The following PPP3CA variants were observed in gnomAD, a reference collection of about 807,000 sequenced individuals.
The protein encoded by PPP3CA is protein phosphatase 3 catalytic subunit alpha.
A neutral mutation model predicts 66.5 loss-of-function variants in PPP3CA; 14 were observed. The ratio of observed to expected loss-of-function variants is 0.21; its 90% CI spans 0.14 to 0.33. The LOEUF (loss-of-function observed/expected upper bound fraction) is 0.33. Ranked by LOEUF, PPP3CA falls within the 10% of genes least tolerant of loss-of-function variation. The pLI is 1.00. For missense variants in PPP3CA, 317 were observed against 639.5 expected, an observed-to-expected ratio of 0.50 and a Z score of 5.44; for synonymous variants, 232 against 226.2, an observed-to-expected ratio of 1.03 and a Z score of -0.23.
intron 9 of PPP3CA, among the ~76,000 whole-genome samples, chr4:101,061,419 A>AT (rs1200799008): frequency 1.3e-5 from 2 of 152,118 alleles, no homozygotes; most frequent in Non-Finnish European, 2.9e-5. Context: ...GACAAATCAA[A>AT]TATGTGGATG....
rs924556483 is a variant in PPP3CA, at chr4:101,187,063, G to A, written c.259+8853C>T. Among the ~76,000 whole-genome samples, 3 of 152,126 alleles carry A rather than the reference G, an allele frequency of 2.0e-5. No individual in the cohort carries two copies. In the East Asian group the frequency reaches 5.8e-4, roughly 29 times the overall value. ...AAAGAGGTGAATATCCTGCTGAGTG[G>A]TACAAAGGTAGAAAGTGGCAGACAC... On this transcript the variant is annotated intron_variant, in intron 2 of 13. Transcript: ENST00000394854.
intron 8 of PPP3CA, among the ~76,000 whole-genome samples, chr4:101,072,935 CAAAA>C (rs71596318): frequency 1.7e-5 from 1 of 59,242 alleles, no homozygotes; most frequent in Non-Finnish European, 3.8e-5. Flanking sequence ...GACTCCTTCT[CAAAA>C]AAAAAAAAAA....
At chr4:101,223,983 G>A (rs1725704858) in intron 1 of PPP3CA, among the ~76,000 whole-genome samples, 1 of 151,284 alleles carries the variant, frequency 6.6e-6, no homozygotes, top group East Asian at 1.9e-4. Context: ...AAAATTAAAG[G>A]GAAAACAAAA....
At chr4:101,204,635 CAAAAAAAAAA>C (rs55925064) in intron 1 of PPP3CA, among the ~76,000 whole-genome samples, 13 of 107,808 alleles carry the variant, frequency 1.2e-4, no homozygotes, top group Non-Finnish European at 1.2e-4. Flanking sequence ...GACTCCATCT[CAAAAAAAAAA>C]AAAAAAAAAA....
intron 11 of PPP3CA, 21 bp downstream of exon 11, chr4:101,040,461 A>G (rs562372062): frequency 6.5e-7 from 1 of 1,540,826 alleles, no homozygotes; most frequent in South Asian, 1.2e-5. Flanking sequence ...TGAAACAAAA[A>G]CAGAGTACGA....
In PPP3CA at chr4:101,042,173, C is replaced by CTTTTTT. The variant is rs558866853; in HGVS notation, c.1157-1613_1157-1608dup. Among the ~76,000 whole-genome samples, 7 of 91,162 alleles carry CTTTTTT rather than the reference C, an allele frequency of 7.7e-5. 2 individuals carry two copies. The highest frequency in any genetic ancestry group is 9.1e-5 in the Non-Finnish European group (4 of 43,732). 59.8% of individuals were successfully genotyped at this position (91,162 alleles called of 152,430 possible). On this transcript the variant is annotated intron_variant, in intron 10 of 13. Transcript: ENST00000394854. ...GAAATGGCTAGAAAAAAGGTCTTTG[C>CTTTTTT]TTTTTTTTTTTTTTTTTTTTGCCCT...
intron 1 of PPP3CA, among the ~76,000 whole-genome samples, chr4:101,302,019 C>T (rs1457123214): frequency 6.6e-6 from 1 of 151,966 alleles, no homozygotes; most frequent in Non-Finnish European, 1.5e-5. Context: ...TGCAAAGCTA[C>T]ACAGCTTCTA....
chr4:101,302,359 C>T (rs750123103), intron 1 of PPP3CA, among the ~76,000 whole-genome samples: 8 of 152,134 alleles, frequency 5.3e-5, no homozygotes, highest in Non-Finnish European at 7.3e-5. Flanking sequence ...GACCAAACTG[C>T]GATGATATAT....
intron 1 of PPP3CA, among the ~76,000 whole-genome samples, chr4:101,226,369 T>C (rs1027260663): frequency 6.6e-6 from 1 of 151,760 alleles, no homozygotes; most frequent in Non-Finnish European, 1.5e-5. Flanking sequence ...CCTCCTGATA[T>C]TGAAATGGTT....
At chr4:101,073,723 T>A (rs1729025205) in intron 8 of PPP3CA, among the ~76,000 whole-genome samples, 1 of 152,194 alleles carries the variant, frequency 6.6e-6, no homozygotes, top group South Asian at 2.1e-4. Context: ...TATGATTCTA[T>A]CATACCCATA....
intron 7 of PPP3CA, among the ~76,000 whole-genome samples, chr4:101,081,803 T>C (rs113894221): frequency 0.023 from 3,550 of 152,288 alleles, 63 homozygotes; most frequent in Middle Eastern, 0.088. Flanking sequence ...TGAAATGTTC[T>C]AAAAGTATGT....
chr4:101,155,761 T>G (rs1262945918), intron 2 of PPP3CA, among the ~76,000 whole-genome samples: 1 of 152,238 alleles, frequency 6.6e-6, no homozygotes, highest in African/African-American at 2.4e-5. Context: ...TAAGGGTATA[T>G]TAGATTAATT....
intron 1 of PPP3CA, among the ~76,000 whole-genome samples, chr4:101,297,981 G>A (rs769411844): frequency 1.3e-5 from 2 of 152,026 alleles, no homozygotes; most frequent in Non-Finnish European, 2.9e-5. Flanking sequence ...AGGAATCAGG[G>A]AATCAGATCT....
At chr4:101,238,358 T>C (rs916545621) in intron 1 of PPP3CA, among the ~76,000 whole-genome samples, 4 of 152,106 alleles carry the variant, frequency 2.6e-5, no homozygotes, top group Admixed American at 2.6e-4. Context: ...AATAGTTCTA[T>C]AGAAATCTCA....
At chr4:101,041,551 C>T (rs996546138) in intron 10 of PPP3CA, among the ~76,000 whole-genome samples, 2 of 150,086 alleles carry the variant, frequency 1.3e-5, no homozygotes, top group Admixed American at 6.7e-5. Flanking sequence ...TTTCCTGCCT[C>T]AGCCTCCCAA....
At chr4:101,255,498 C>T (rs1472013174) in intron 1 of PPP3CA, among the ~76,000 whole-genome samples, 3 of 151,786 alleles carry the variant, frequency 2.0e-5, no homozygotes, top group East Asian at 1.9e-4. Context: ...ACTAGAAGGG[C>T]AACAACAGAG....
At chr4:101,156,677 A>AAAAG (rs1410451038) in intron 2 of PPP3CA, among the ~76,000 whole-genome samples, 3 of 104,802 alleles carry the variant, frequency 2.9e-5, no homozygotes, top group Admixed American at 1.0e-4. Context: ...TCTCAAAAAA[A>AAAAG]AAAGAAAGAA....
At chr4:101,100,414 A>G (rs1730390980) in intron 3 of PPP3CA, among the ~76,000 whole-genome samples, 1 of 152,130 alleles carries the variant, frequency 6.6e-6, no homozygotes. Context: ...CTTATTAATC[A>G]TTAATCATAT....
intron 2 of PPP3CA, among the ~76,000 whole-genome samples, chr4:101,136,931 A>G (rs1208449326): frequency 1.3e-5 from 2 of 152,150 alleles, no homozygotes; most frequent in Non-Finnish European, 2.9e-5. Flanking sequence ...ACTCAAAGAG[A>G]CAATATAAAC....
Sources: allele counts gnomAD v4.1 joint callset (sites outside exome capture counted in the v4.1 genomes callset), GRCh38; gene constraint gnomAD v4.1.1; transcripts MANE v1.5; gene names NCBI Gene and HGNC (gene_info 2026-07-23, HGNC 2026-07-21).